Variants in NXN observed in about 807,000 individuals in gnomAD.
NXN encodes the protein nucleoredoxin 1.
In NXN, 16 loss-of-function variants were observed where a neutral mutation model predicts 48.6. The observed-to-expected ratio is 0.33, with a 90% CI of 0.22 to 0.50. The LOEUF is 0.50. Ranked by LOEUF, NXN falls within the 20% of genes least tolerant of loss-of-function variation. NXN has a pLI of 0.98. For missense variants in NXN, 492 were observed against 605.5 expected, an observed-to-expected ratio of 0.81 and a Z score of 1.97; for synonymous variants, 281 against 269.6, an observed-to-expected ratio of 1.04 and a Z score of -0.41.
intron 1 of NXN, among the ~76,000 whole-genome samples, chr17:863,173 T>C (rs1364151967): frequency 1.3e-5 from 2 of 151,420 alleles, no homozygotes; most frequent in African/African-American, 2.4e-5. Flanking sequence ...TACTGTTCTG[T>C]CTTCTTTGTT....
chr17:811,921 T>G (rs1347381472), intron 5 of NXN, among the ~76,000 whole-genome samples: 708 of 18,716 alleles, frequency 0.038, 1 homozygote, highest in African/African-American at 0.24. Flanking sequence ...CCAGTTCTGC[T>G]TTTTTTTTTT....
chr17:912,722 G>A (rs942516593), intron 1 of NXN, among the ~76,000 whole-genome samples: 5 of 152,138 alleles, frequency 3.3e-5, no homozygotes, highest in African/African-American at 9.7e-5. Flanking sequence ...GGAGGCCGAT[G>A]CGGGCGGATC....
At chr17:858,716 G>T (rs1226774615) in intron 1 of NXN, among the ~76,000 whole-genome samples, 1 of 150,746 alleles carries the variant, frequency 6.6e-6, no homozygotes, top group African/African-American at 2.5e-5. Flanking sequence ...GTGACAGAGC[G>T]AGACTCCGTC....
chr17:890,423 G>C (rs966458196), intron 1 of NXN, among the ~76,000 whole-genome samples: 1 of 152,030 alleles, frequency 6.6e-6, no homozygotes, highest in African/African-American at 2.4e-5. Flanking sequence ...GCCCAGGCTG[G>C]AGTGCAGTGA....
intron 7 of NXN, among the ~76,000 whole-genome samples, chr17:801,963 G>A (rs1567805970): frequency 6.6e-6 from 1 of 152,216 alleles, no homozygotes; most frequent in Non-Finnish European, 1.5e-5. Flanking sequence ...CACTGTGGAA[G>A]CTTACGCTGC....
intron 1 of NXN, among the ~76,000 whole-genome samples, chr17:886,422 C>T (rs2068348391): frequency 6.6e-6 from 1 of 152,140 alleles, no homozygotes. Context: ...GGACACCTGC[C>T]ACTTGCTCAT....
At chr17:805,380 A>G (rs965114041) in intron 5 of NXN, 133 bp from the exon 6 acceptor site, 16 of 935,046 alleles carry the variant, frequency 1.7e-5, no homozygotes, top group Non-Finnish European at 2.3e-5. Context: ...CAGGCTCACA[A>G]TGAAGAGGCC....
Position 978,801 on chromosome 17 carries a change from G to A in NXN, c.360+518C>T, listed in dbSNP as rs922059372. Among the ~76,000 whole-genome samples, 3 of 152,076 alleles carry A rather than the reference G, an allele frequency of 2.0e-5. No homozygotes were observed. Among genetic ancestry groups the A allele is most frequent in the African/African-American group, 7.2e-5 (3 of 41,430 alleles). On this transcript the variant is annotated intron_variant, in intron 1 of 7. Coordinates refer to ENST00000336868, the MANE Select transcript of NXN (RefSeq NM_022463.5). The surrounding 1 kb of genome is among the most constrained non-coding windows in gnomAD (Gnocchi z 4.1). ...GGTTTCTCCCGGAAAGAAAGGAAAC[G>A]CGCTGGTTTGGGCGCCACGGGCGGG...
intron 1 of NXN, among the ~76,000 whole-genome samples, chr17:876,164 A>G (rs1400520886): frequency 6.6e-6 from 1 of 151,658 alleles, no homozygotes; most frequent in African/African-American, 2.4e-5. Context: ...CCTGGGCGAC[A>G]CAGTAAGAAT....
intron 1 of NXN, among the ~76,000 whole-genome samples, chr17:925,600 G>C (rs930118948): frequency 1.3e-5 from 2 of 152,170 alleles, no homozygotes; most frequent in African/African-American, 4.8e-5. Flanking sequence ...TGTTGGCCAG[G>C]CTGGTCTTGA....
chr17:866,835 G>T (rs759750949), intron 1 of NXN, among the ~76,000 whole-genome samples: 9 of 152,242 alleles, frequency 5.9e-5, no homozygotes, highest in Admixed American at 1.3e-4. Flanking sequence ...TGAAACAAAT[G>T]ATTTGAGCAT....
chr17:893,643 T>A (rs1199963560), intron 1 of NXN, among the ~76,000 whole-genome samples: 16 of 70,168 alleles, frequency 2.3e-4, no homozygotes, highest in East Asian at 3.6e-4. Context: ...AGAGGAAGCA[T>A]CTCAACCCCT....
intron 1 of NXN, among the ~76,000 whole-genome samples, chr17:887,113 CA>C (rs1454480712): frequency 1.3e-5 from 2 of 151,782 alleles, no homozygotes; most frequent in African/African-American, 4.8e-5. Context: ...ATGGGGGTCT[CA>C]CCATGTTGCC....
intron 1 of NXN, among the ~76,000 whole-genome samples, chr17:856,148 G>A (rs923057790): frequency 1.3e-5 from 2 of 151,740 alleles, no homozygotes; most frequent in Non-Finnish European, 2.9e-5. Flanking sequence ...AGCCAAGGTC[G>A]CGCCACTGCA....
intron 1 of NXN, among the ~76,000 whole-genome samples, chr17:890,161 A>C (rs1275195758): frequency 6.6e-6 from 1 of 152,088 alleles, no homozygotes; most frequent in Non-Finnish European, 1.5e-5. Context: ...CTTAAGAATA[A>C]ATCCCATCTA....
intron 1 of NXN, among the ~76,000 whole-genome samples, chr17:892,317 A>T (rs1397694201): frequency 6.6e-6 from 1 of 152,194 alleles, no homozygotes; most frequent in Admixed American, 6.6e-5. Context: ...AACTTAGGGC[A>T]TTTTAATTGG....
At chr17:901,939 ATC>A (rs2068541700) in intron 1 of NXN, among the ~76,000 whole-genome samples, 2 of 152,200 alleles carry the variant, frequency 1.3e-5, no homozygotes, top group South Asian at 4.2e-4. Context: ...ACCTCAGGTG[ATC>A]CACCTGCCTC....
chr17:940,518 G>T (rs2068959792), intron 1 of NXN, among the ~76,000 whole-genome samples: 2 of 152,212 alleles, frequency 1.3e-5, no homozygotes, highest in African/African-American at 4.8e-5. Flanking sequence ...GAGGTCAAAA[G>T]CCCCTAACGA....
intron 1 of NXN, among the ~76,000 whole-genome samples, chr17:835,150 T>C (rs899923480): frequency 4.6e-5 from 7 of 150,750 alleles, no homozygotes; most frequent in Non-Finnish European, 8.9e-5. Flanking sequence ...CTACTAAAAA[T>C]ACAAAAAATT....
Sources: gnomAD v4.1 joint callset for allele counts (sites outside exome capture counted in the v4.1 genomes callset) on GRCh38, gnomAD v4.1.1 for gene constraint, Gnocchi (gnomAD v3.1) non-coding constraint, MANE v1.5 for transcripts, NCBI Gene and HGNC (gene_info 2026-07-23, HGNC 2026-07-21) for gene names.